MARCHF1: variants seen among roughly 807,000 people sequenced by gnomAD.
MARCHF1 encodes the protein membrane associated ring-CH-type finger 1.
Under a neutral mutation model 54.2 loss-of-function variants are expected in MARCHF1, and 40 were observed. That is an observed-to-expected ratio of 0.74 (90% confidence interval 0.57 to 0.96). MARCHF1 has a LOEUF of 0.96. MARCHF1 is among the 40% of genes least tolerant of loss of function. MARCHF1 has a pLI of 0.00. For missense variants in MARCHF1, 586 were observed against 656.5 expected (o/e 0.89, Z 1.17); for synonymous variants, 236 against 236.3 (o/e 1.00, Z 0.01).
rs1322218134 is a variant in MARCHF1 at position 163,528,999 on chromosome 4, C to T, written c.1387G>A (p.Gly463Ser). ...FWTKLVVVAI[G>S]FTGGLVFMYV... ...ATGAAGACAAGACCTCCTGTGAAGC[C>T]AATGGCTACCACAACCAGTTTTGTC... The change falls in exon 10 of 10, where the codon GGC becomes AGC. Residue 463 changes from glycine (G) to serine (S), a missense_variant. Coordinates refer to ENST00000514618, the MANE Select transcript of MARCHF1 (RefSeq NM_001394959.1). The T allele has an allele frequency of 1.2e-6, 2 of 1,612,264 alleles. No homozygotes were observed. The highest frequency in any genetic ancestry group is 3.3e-5 in the Admixed American group (2 of 59,826).
At chr4:163,570,398 C>A (rs115614779) in intron 8 of MARCHF1, among the ~76,000 whole-genome samples, 2,528 of 152,036 alleles carry the variant, frequency 0.017, 69 homozygotes, top group African/African-American at 0.058. Context: ...TCAACGGAAC[C>A]CCCAAAAGTT....
chr4:163,776,159 C>T (rs1747299257), intron 4 of MARCHF1, among the ~76,000 whole-genome samples: 1 of 152,042 alleles, frequency 6.6e-6, no homozygotes, highest in South Asian at 2.1e-4. Flanking sequence ...ACTACAAATA[C>T]CTATAAGGTG....
chr4:163,948,371 G>C (rs1301304765), intron 3 of MARCHF1, among the ~76,000 whole-genome samples: 2 of 152,190 alleles, frequency 1.3e-5, no homozygotes, highest in Non-Finnish European at 2.9e-5. Context: ...GCCTTCTTAG[G>C]AAGAGTAATC....
At chr4:164,280,497 T>C (rs1231244613) in intron 1 of MARCHF1, among the ~76,000 whole-genome samples, 1 of 152,060 alleles carries the variant, frequency 6.6e-6, no homozygotes, top group Non-Finnish European at 1.5e-5. Context: ...TTGAAACAAC[T>C]GGCTAACCAT....
At chr4:163,951,284 A>G (rs1392403726) in intron 3 of MARCHF1, among the ~76,000 whole-genome samples, 1 of 152,140 alleles carries the variant, frequency 6.6e-6, no homozygotes, top group African/African-American at 2.4e-5. Flanking sequence ...TTCACCGTTA[A>G]CCCTTGTCCT....
intron 1 of MARCHF1, among the ~76,000 whole-genome samples, chr4:164,222,038 G>T (rs1732128566): frequency 6.6e-6 from 1 of 151,930 alleles, no homozygotes; most frequent in Non-Finnish European, 1.5e-5. Flanking sequence ...TACATCTGGT[G>T]CCTGCCAAAA....
chr4:163,967,297 T>C (rs1752461660), intron 3 of MARCHF1, among the ~76,000 whole-genome samples: 1 of 152,094 alleles, frequency 6.6e-6, no homozygotes. Flanking sequence ...TTGATAGAGA[T>C]CAGTCAGGAG....
At chr4:164,261,064 G>C (rs1442880232) in intron 1 of MARCHF1, among the ~76,000 whole-genome samples, 1 of 151,976 alleles carries the variant, frequency 6.6e-6, no homozygotes, top group African/African-American at 2.4e-5. Context: ...AGGCACACGG[G>C]GAGGATGCCA....
intron 1 of MARCHF1, among the ~76,000 whole-genome samples, chr4:164,331,898 G>T (rs929255979): frequency 2.4e-4 from 37 of 152,096 alleles, no homozygotes; most frequent in African/African-American, 7.5e-4. Flanking sequence ...TTATCGTTTA[G>T]AAATCATTTT....
At chr4:164,152,999 C>T (rs563502369) in intron 1 of MARCHF1, among the ~76,000 whole-genome samples, 1 of 152,176 alleles carries the variant, frequency 6.6e-6, no homozygotes, top group East Asian at 1.9e-4. Context: ...AAGCTGTACC[C>T]TACACTTTGG....
chr4:164,262,589 C>A (rs543691393), intron 1 of MARCHF1, among the ~76,000 whole-genome samples: 15 of 152,130 alleles, frequency 9.9e-5, no homozygotes, highest in Admixed American at 5.2e-4. Flanking sequence ...GTCTTAGAAG[C>A]ACCACTTGTC....
At chr4:163,560,409 C>A (rs545772295) in intron 8 of MARCHF1, among the ~76,000 whole-genome samples, 1 of 152,270 alleles carries the variant, frequency 6.6e-6, no homozygotes, top group South Asian at 2.1e-4. Context: ...AACTATACTA[C>A]CCTGCCTTGA....
intron 4 of MARCHF1, among the ~76,000 whole-genome samples, chr4:163,834,890 A>AT (rs1034770700): frequency 1.3e-4 from 20 of 150,918 alleles, no homozygotes; most frequent in Non-Finnish European, 2.4e-4. Flanking sequence ...CTTCTTGTTT[A>AT]TTTTTTTTAG....
intron 4 of MARCHF1, among the ~76,000 whole-genome samples, chr4:163,793,845 C>A (rs1028518828): frequency 3.9e-5 from 6 of 152,240 alleles, no homozygotes; most frequent in Admixed American, 3.9e-4. Flanking sequence ...CTCATGCAGA[C>A]CCCCTTAGAG....
At chr4:163,620,604 C>CAGAGAG (rs1395760739) in intron 5 of MARCHF1, among the ~76,000 whole-genome samples, 8 of 49,710 alleles carry the variant, frequency 1.6e-4, no homozygotes, top group African/African-American at 2.4e-4. Context: ...CACACACACA[C>CAGAGAG]ACAGAGAGAG....
intron 1 of MARCHF1, among the ~76,000 whole-genome samples, chr4:164,312,679 T>C (rs1469949372): frequency 6.6e-6 from 1 of 152,156 alleles, no homozygotes; most frequent in Non-Finnish European, 1.5e-5. Context: ...ATCTACGATT[T>C]ACATAAAACC....
chr4:164,072,992 C>T (rs1424405329), intron 2 of MARCHF1, among the ~76,000 whole-genome samples: 2 of 152,068 alleles, frequency 1.3e-5, no homozygotes, highest in Admixed American at 6.6e-5. Context: ...CTGTTTTTAA[C>T]ATAGAGGATG....
intron 1 of MARCHF1, among the ~76,000 whole-genome samples, chr4:164,344,860 G>C (rs1730032582): frequency 6.6e-6 from 1 of 152,128 alleles, no homozygotes; most frequent in South Asian, 2.1e-4. Context: ...CTGAAGATTA[G>C]ACTAAAGAAG....
chr4:163,999,098 T>A lies in MARCHF1; in HGVS notation c.-247-10389A>T, dbSNP rs1753136817. Reference sequence around the variant, plus strand: ...ACAAGGGTTCCCTTTCCTGTACATCTTCTCCAACATGTATATTCCTTCATC... The same window carrying A: ...ACAAGGGTTCCCTTTCCTGTACATCATCTCCAACATGTATATTCCTTCATC... On this transcript the variant is annotated intron_variant, in intron 2 of 9. Transcript: ENST00000514618. Among the ~76,000 whole-genome samples the A allele has an allele frequency of 2.0e-5, 3 of 151,818 alleles. No individual in the cohort carries two copies. In the South Asian group the frequency reaches 6.2e-4, roughly 31 times the overall value.
Sources: gnomAD v4.1 joint callset for allele counts (sites outside exome capture counted in the v4.1 genomes callset) on GRCh38, gnomAD v4.1.1 for gene constraint, MANE v1.5 for transcripts, NCBI Gene and HGNC (gene_info 2026-07-23, HGNC 2026-07-21) for gene names.